SLC30A10: variants seen among roughly 807,000 people sequenced by gnomAD.
The protein encoded by SLC30A10 is solute carrier family 30 member 10.
A neutral mutation model predicts 21.7 loss-of-function variants in SLC30A10; 8 were observed. The observed-to-expected ratio is 0.37, with a 90% CI of 0.22 to 0.67. SLC30A10 has a LOEUF of 0.67. SLC30A10 is among the 30% of genes least tolerant of loss of function. The pLI, the probability that SLC30A10 is intolerant of heterozygous loss-of-function variation, is 0.58. For missense variants in SLC30A10, 521 were observed against 642.5 expected (o/e 0.81, Z 2.04); for synonymous variants, 272 against 279.4 (o/e 0.97, Z 0.26).
Position 219,911,777 on chromosome 1 carries a change from G to A in SLC30A10, c.*3672C>T, listed in dbSNP as rs960733185. The stretch of plus-strand genomic sequence containing the variant: ...CTTTGGAGAGGCTTTCATTAACATT[G>A]TCCCTAAACTACCCTTAGTTCTACC... On this transcript the variant is annotated 3_prime_UTR_variant, in exon 4 of 4. Transcript: ENST00000366926. Among the ~76,000 whole-genome samples, 1 of 152,000 alleles carries A rather than the reference G, an allele frequency of 6.6e-6. No homozygotes were observed. Among genetic ancestry groups the A allele is most frequent in the Admixed American group, 6.6e-5 (1 of 15,260 alleles).
At chr1:219,931,792 C>G (rs1052577213), upstream of SLC30A10, among the ~76,000 whole-genome samples, 2 of 152,070 alleles carry the variant, frequency 1.3e-5, no homozygotes, top group African/African-American at 2.4e-5. Flanking sequence ...GCATTTTATA[C>G]TTAACAGCAA....
At chr1:219,939,988 A>G (rs559689545) in intron 1 of SLC30A10, among the ~76,000 whole-genome samples, 26 of 152,262 alleles carry the variant, frequency 1.7e-4, no homozygotes, top group Admixed American at 1.6e-3. Context: ...GGCCATAATC[A>G]TATCTCTACT....
At chr1:219,953,593 A>C (rs1435913489) in intron 1 of SLC30A10, among the ~76,000 whole-genome samples, 1 of 151,096 alleles carries the variant, frequency 6.6e-6, no homozygotes, top group Non-Finnish European at 1.5e-5. Flanking sequence ...ACAGAGTGAG[A>C]CTCCGTCTCA....
At chr1:219,932,430 G>GT (rs1305009497), upstream of SLC30A10, among the ~76,000 whole-genome samples, 13 of 151,226 alleles carry the variant, frequency 8.6e-5, no homozygotes, top group South Asian at 2.1e-4. Flanking sequence ...TTAACAATTA[G>GT]TTTTTTTTTA....
At position 219,928,234 on chromosome 1, in the gene SLC30A10, G is replaced by C. The variant is rs1468040206; in HGVS notation, c.207C>G (p.Ser69Arg). 2 of 1,571,190 alleles carry C rather than the reference G, an allele frequency of 1.3e-6. No individual in the cohort carries two copies. Among genetic ancestry groups the C allele is most frequent in the Non-Finnish European group, 1.7e-6 (2 of 1,158,882 alleles). The change falls in exon 1 of 4, where the codon AGC becomes AGG. Residue 69 changes from serine (S) to arginine (R), a missense_variant. Coordinates refer to ENST00000366926, the MANE Select transcript of SLC30A10 (RefSeq NM_018713.3). This position sits in a 1 kb window ranked among gnomAD's most constrained non-coding sequence, Gnocchi z 6.3. ...CGGCGCGGGCGTAGCCGTAGGTGGC[G>C]CTGAAGCCCCGGGTGGGGCGCCGGG... is the stretch of plus-strand genomic sequence containing the variant. ...YIARRPTRGF[S>R]ATYGYARAEV...
At position 219,927,866 on chromosome 1, in the gene SLC30A10, G is replaced by C; in HGVS notation, c.575C>G (p.Thr192Ser). The C allele has an allele frequency of 6.5e-7, 1 of 1,545,964 alleles. No homozygotes were observed. Among genetic ancestry groups the C allele is most frequent in the African/African-American group, 1.4e-5 (1 of 71,112 alleles). ...CCTTTCCACCGAGGTCCCCCGGAGG[G>C]TTACGGCCGAGTCCGAGCCTGGGGC... ...PTAPGSDSAV[T>S]LRGTSVERKR... Residue 192 changes from threonine (T) to serine (S), a missense_variant, in exon 1 of 4, where the codon ACC (threonine) becomes AGC (serine). By Grantham distance (58) the Thr-to-Ser change is moderately conservative. Transcript: ENST00000366926.
At chr1:219,949,921 G>A (rs1241977558) in intron 1 of SLC30A10, among the ~76,000 whole-genome samples, 1 of 152,110 alleles carries the variant, frequency 6.6e-6, no homozygotes, top group African/African-American at 2.4e-5. Context: ...TCTCCATCTT[G>A]TAAACAGCTA....
At chr1:219,936,959 C>T (rs978492982) in intron 1 of SLC30A10, among the ~76,000 whole-genome samples, 1 of 152,170 alleles carries the variant, frequency 6.6e-6, no homozygotes, top group East Asian at 1.9e-4. Context: ...CATACCATGG[C>T]TTTCCAATTT....
chr1:219,937,860 C>A (rs1362123243), intron 1 of SLC30A10, among the ~76,000 whole-genome samples: 1 of 152,146 alleles, frequency 6.6e-6, no homozygotes, highest in Non-Finnish European at 1.5e-5. Context: ...TGTCTTCTAG[C>A]TCACTGATGG....
intron 2 of SLC30A10, among the ~76,000 whole-genome samples, chr1:219,922,170 G>A (rs1226321580): frequency 3.4e-5 from 1 of 29,268 alleles, no homozygotes; most frequent in Non-Finnish European, 5.6e-5. Flanking sequence ...GTGTGTGTGT[G>A]TGTGTGTTTT....
At chr1:219,954,789 G>T (rs1660324169) in intron 1 of SLC30A10, among the ~76,000 whole-genome samples, 1 of 150,474 alleles carries the variant, frequency 6.6e-6, no homozygotes, top group Non-Finnish European at 1.5e-5. Context: ...TGTATCATTT[G>T]TACATGATAT....
Position 219,918,543 on chromosome 1 carries a change from C to G in SLC30A10, c.719-49G>C. 6.5e-7 allele frequency: 1 copy of G among 1,526,798 alleles called. No homozygotes were observed. The highest frequency in any genetic ancestry group is 8.8e-7 in the Non-Finnish European group (1 of 1,138,868). 94.6% of individuals were successfully genotyped at this position (1,526,798 alleles called of 1,614,324 possible). A position where few individuals can be genotyped will look rare whatever the true frequency, so the allele number is the denominator to read the frequency against. ...AGCACAGATGCAAATCTGGAAGCCA[C>G]GTGACACTCACTGACTTGGGTGTCC... On this transcript the variant is annotated intron_variant, in intron 2 of 3. Transcript: ENST00000366926. The surrounding 1 kb of genome is among the most constrained non-coding windows in gnomAD (Gnocchi z 4.4).
chr1:219,925,979 A>C (rs1050790797), intron 2 of SLC30A10, among the ~76,000 whole-genome samples: 2 of 151,872 alleles, frequency 1.3e-5, no homozygotes, highest in African/African-American at 4.8e-5. Context: ...ATATTTTTAA[A>C]CTGGACCTTA....
At chr1:219,916,846 C>T (rs1469186321) in intron 3 of SLC30A10, among the ~76,000 whole-genome samples, 1 of 151,954 alleles carries the variant, frequency 6.6e-6, no homozygotes, top group African/African-American at 2.4e-5. Flanking sequence ...GATAATAGTA[C>T]CTTTTTGTAT....
chr1:219,925,317 T>C (rs908160097), intron 2 of SLC30A10, among the ~76,000 whole-genome samples: 4 of 152,048 alleles, frequency 2.6e-5, no homozygotes, highest in African/African-American at 9.7e-5. Context: ...GCAGATTGCC[T>C]GAGGTCAGGA....
At chr1:219,948,459 G>A (rs11805648) in intron 1 of SLC30A10, among the ~76,000 whole-genome samples, 104 of 152,144 alleles carry the variant, frequency 6.8e-4, no homozygotes, top group African/African-American at 2.3e-3. Flanking sequence ...ATAATGCCAC[G>A]TATCTACAAC....
intron 2 of SLC30A10, among the ~76,000 whole-genome samples, chr1:219,926,639 C>T (rs147277698): frequency 1.3e-5 from 2 of 152,268 alleles, no homozygotes; most frequent in African/African-American, 4.8e-5. Flanking sequence ...CTCAGCAATG[C>T]GAGATAGGGC....
At chr1:219,948,677 A>G (rs1660224160) in intron 1 of SLC30A10, among the ~76,000 whole-genome samples, 1 of 152,232 alleles carries the variant, frequency 6.6e-6, no homozygotes, top group Admixed American at 6.5e-5. Context: ...AAACCTATGC[A>G]TTACCATTAA....
chr1:219,950,817 G>A (rs1435560929), intron 1 of SLC30A10, among the ~76,000 whole-genome samples: 7 of 151,776 alleles, frequency 4.6e-5, no homozygotes, highest in South Asian at 2.1e-4. Flanking sequence ...GCGTGGTGGC[G>A]GGCGCCTGTA....
Sources: gnomAD v4.1 joint callset for allele counts (sites outside exome capture counted in the v4.1 genomes callset) on GRCh38, gnomAD v4.1.1 for gene constraint, Gnocchi (gnomAD v3.1) non-coding constraint, MANE v1.5 for transcripts, NCBI Gene and HGNC (gene_info 2026-07-23, HGNC 2026-07-21) for gene names.